SLC4A4: variants seen among roughly 807,000 people sequenced by gnomAD.
SLC4A4 encodes the protein electrogenic sodium bicarbonate cotransporter 1.
Under a neutral mutation model 111.5 loss-of-function variants are expected in SLC4A4, and 27 were observed. The observed-to-expected ratio is 0.24, with a 90% CI of 0.18 to 0.33. The LOEUF is 0.33. Ranked by LOEUF, SLC4A4 falls within the 10% of genes least tolerant of loss-of-function variation. The pLI, the probability that SLC4A4 is intolerant of heterozygous loss-of-function variation, is 1.00. For synonymous variants in SLC4A4, 443 were observed against 463.4 expected (o/e 0.96, Z 0.57); for missense variants, 909 against 1,315.5 (o/e 0.69, Z 4.78).
intron 16 of SLC4A4, among the ~76,000 whole-genome samples, chr4:71,528,202 T>A (rs891291082): frequency 1.3e-5 from 2 of 152,144 alleles, no homozygotes; most frequent in African/African-American, 2.4e-5. Context: ...GATCCACTGA[T>A]AGTTCTGCAT....
At chr4:71,491,320 A>G (rs370900928) in intron 15 of SLC4A4, among the ~76,000 whole-genome samples, 3 of 152,056 alleles carry the variant, frequency 2.0e-5, no homozygotes, top group Middle Eastern at 6.8e-3. Context: ...TTAAAAGCAC[A>G]TATTTTATCA....
At chr4:71,138,350 G>A (rs1743901024) in intron 2 of SLC4A4, among the ~76,000 whole-genome samples, 1 of 152,108 alleles carries the variant, frequency 6.6e-6, no homozygotes. Context: ...ACATGATAAA[G>A]CACAGGTTCC....
At chr4:71,528,917 A>G (rs183817149) in intron 16 of SLC4A4, among the ~76,000 whole-genome samples, 1 of 152,078 alleles carries the variant, frequency 6.6e-6, no homozygotes, top group Admixed American at 6.6e-5. Context: ...ATTCATCTCT[A>G]CATAGTAGAA....
rs1352207354 is a variant in SLC4A4 at position 71,466,586 on chromosome 4, A to G, written c.1631+9A>G. On this transcript the variant is annotated intron_variant, in intron 13 of 25. Transcript: ENST00000264485. ...CTATTTAATTTCAGCAAGTATGTACATACATATTTAATTGCAAATTAGAAT... is the reference window on the plus strand; with the variant it reads ...CTATTTAATTTCAGCAAGTATGTACGTACATATTTAATTGCAAATTAGAAT... 6.2e-7 allele frequency: 1 copy of G among 1,612,728 alleles called. No homozygotes were observed. The highest frequency in any genetic ancestry group is 8.5e-7 in the Non-Finnish European group (1 of 1,179,026).
chr4:71,296,983 A>C (rs900432790), intron 3 of SLC4A4, among the ~76,000 whole-genome samples: 1 of 152,230 alleles, frequency 6.6e-6, no homozygotes, highest in Non-Finnish European at 1.5e-5. Context: ...AAGTTCTTAC[A>C]ATGTATAGGT....
chr4:71,540,311 C>T (rs992845861), intron 18 of SLC4A4, among the ~76,000 whole-genome samples: 1 of 152,076 alleles, frequency 6.6e-6, no homozygotes, highest in Non-Finnish European at 1.5e-5. Context: ...AACTTTAGGC[C>T]GCTGGGCTAG....
rs190808760 is a variant in SLC4A4, at chr4:71,240,023, C to T, written c.73+3374C>T. On this transcript the variant is annotated intron_variant, in intron 2 of 25. Transcript: ENST00000264485. ...CAGAATGATCCATAAGTGTTGACCA[C>T]GAGGAACAACCACTCACTTTTCGTT... Among the ~76,000 whole-genome samples the T allele has an allele frequency of 3.2e-3, 492 of 152,188 alleles. 2 individuals are homozygous for T. The highest frequency in any genetic ancestry group is 6.8e-3 in the Middle Eastern group (2 of 294).
At chr4:71,147,995 C>T (rs906140484) in intron 2 of SLC4A4, among the ~76,000 whole-genome samples, 2 of 152,134 alleles carry the variant, frequency 1.3e-5, no homozygotes, top group African/African-American at 4.8e-5. Context: ...CATGTCCTTC[C>T]TTGCCCTCCA....
intron 2 of SLC4A4, among the ~76,000 whole-genome samples, chr4:71,129,784 C>CAAAAAAAA (rs35737857): frequency 4.0e-5 from 3 of 75,572 alleles, no homozygotes; most frequent in African/African-American, 1.0e-4. Flanking sequence ...TACCATGCAC[C>CAAAAAAAA]AAAAAAAAAA....
At chr4:71,540,073 ATC>A (rs745866905) in intron 18 of SLC4A4, among the ~76,000 whole-genome samples, 4 of 152,300 alleles carry the variant, frequency 2.6e-5, no homozygotes, top group African/African-American at 7.2e-5. Flanking sequence ...ACCTCTTTGA[ATC>A]TCTATTCAGA....
At chr4:71,214,424 C>T (rs1718305229) in intron 1 of SLC4A4, among the ~76,000 whole-genome samples, 1 of 152,138 alleles carries the variant, frequency 6.6e-6, no homozygotes, top group African/African-American at 2.4e-5. Context: ...TCCATAAACG[C>T]ATCATCATGG....
intron 7 of SLC4A4, among the ~76,000 whole-genome samples, chr4:71,428,466 A>G (rs931849994): frequency 8.5e-5 from 13 of 152,104 alleles, no homozygotes. Context: ...GTTATGGGCC[A>G]ACTGGTAGGT....
At chr4:71,089,805 C>T (rs1243781770) in intron 1 of SLC4A4, among the ~76,000 whole-genome samples, 1 of 151,972 alleles carries the variant, frequency 6.6e-6, no homozygotes, top group African/African-American at 2.4e-5. Flanking sequence ...CAGTCTGCCC[C>T]TACTGGGGGG....
chr4:71,166,387 T>C (rs896716), intron 2 of SLC4A4, among the ~76,000 whole-genome samples: 151,922 of 152,332 alleles, frequency 1, 75,761 homozygotes, highest in Middle Eastern at 1. Flanking sequence ...AAGAACTATC[T>C]TAATAACAAA....
chr4:71,083,749 G>A (rs945246375), intron 1 of SLC4A4, among the ~76,000 whole-genome samples: 1 of 151,434 alleles, frequency 6.6e-6, no homozygotes, highest in Non-Finnish European at 1.5e-5. Context: ...CGTTCTAGTT[G>A]CTTGAATTTT....
At chr4:71,338,551 C>A (rs146019277) in intron 3 of SLC4A4, among the ~76,000 whole-genome samples, 1 of 149,540 alleles carries the variant, frequency 6.7e-6, no homozygotes, top group Non-Finnish European at 1.5e-5. Flanking sequence ...CTTCTTTCGT[C>A]GTCTTCTTCT....
chr4:71,498,181 G>T (rs1730587548), intron 16 of SLC4A4, among the ~76,000 whole-genome samples: 1 of 152,064 alleles, frequency 6.6e-6, no homozygotes, highest in Non-Finnish European at 1.5e-5. Flanking sequence ...ACTGTCATAT[G>T]AGCCAAACTT....
At position 71,487,945 on chromosome 4, in the gene SLC4A4, A is replaced by G. The variant is rs1729571352; in HGVS notation, c.1974+927A>G. Among the ~76,000 whole-genome samples the G allele has an allele frequency of 3.3e-5, 5 of 151,034 alleles. No individual in the cohort carries two copies. The South Asian group carries it at 1.0e-3, about 32-fold the overall frequency. The stretch of plus-strand genomic sequence containing the variant: ...TACTTCTCTATTTCTTCCATGTTTG[A>G]TGTTAGGTGTGTGAAAAAGTATGTG... On this transcript the variant is annotated intron_variant, in intron 15 of 25. Transcript: ENST00000264485.
intron 3 of SLC4A4, among the ~76,000 whole-genome samples, chr4:71,305,595 G>C (rs1725616165): frequency 6.6e-6 from 1 of 152,234 alleles, no homozygotes; most frequent in African/African-American, 2.4e-5. Context: ...GTAGAGCTGG[G>C]ATATGCAAAA....
Sources: allele counts gnomAD v4.1 joint callset (sites outside exome capture counted in the v4.1 genomes callset), GRCh38; gene constraint gnomAD v4.1.1; transcripts MANE v1.5; gene names NCBI Gene and HGNC (gene_info 2026-07-23, HGNC 2026-07-21).